The following ROBO1 variants were observed in gnomAD, a reference collection of about 807,000 sequenced individuals.
ROBO1 encodes roundabout guidance receptor 1.
In ROBO1, 149 loss-of-function variants were observed where a neutral mutation model predicts 195.9. The ratio of observed to expected loss-of-function variants is 0.76; its 90% CI spans 0.67 to 0.87. ROBO1 has a LOEUF of 0.87. Ranked by LOEUF, ROBO1 falls within the 40% of genes least tolerant of loss-of-function variation. ROBO1 has a pLI of 0.00. For synonymous variants in ROBO1, 816 were observed against 733.2 expected, an observed-to-expected ratio of 1.11 and a Z score of -1.82; for missense variants, 1,933 against 2,068.3, an observed-to-expected ratio of 0.93 and a Z score of 1.27.
chr3:79,671,242 T>C (rs1293698385), intron 1 of ROBO1, among the ~76,000 whole-genome samples: 2 of 151,872 alleles, frequency 1.3e-5, no homozygotes, highest in Non-Finnish European at 2.9e-5. Context: ...TTGTTATGCC[T>C]GTGAATGGAA....
At chr3:79,624,713 C>A (rs756889355) in intron 1 of ROBO1, among the ~76,000 whole-genome samples, 3 of 151,922 alleles carry the variant, frequency 2.0e-5, no homozygotes, top group Non-Finnish European at 4.4e-5. Context: ...TTCTTAGAGA[C>A]CTATAAAGAG....
intron 4 of ROBO1, among the ~76,000 whole-genome samples, chr3:78,754,712 C>T (rs1036506353): frequency 1.3e-5 from 2 of 152,078 alleles, no homozygotes; most frequent in Non-Finnish European, 2.9e-5. Flanking sequence ...GGTAGACACA[C>T]ATATTCAAAT....
intron 2 of ROBO1, among the ~76,000 whole-genome samples, chr3:79,241,049 A>G (rs576179369): frequency 6.6e-6 from 1 of 152,272 alleles, no homozygotes; most frequent in Non-Finnish European, 1.5e-5. Context: ...TATTTTTGTT[A>G]ACTTTTGCAA....
At chr3:78,678,489 G>T (rs546869058) in intron 10 of ROBO1, among the ~76,000 whole-genome samples, 1 of 151,884 alleles carries the variant, frequency 6.6e-6, no homozygotes, top group Non-Finnish European at 1.5e-5. Context: ...ATGATAAAGG[G>T]GATATCACCA....
At chr3:79,720,848 A>T (rs1302589135) in intron 1 of ROBO1, among the ~76,000 whole-genome samples, 1 of 148,214 alleles carries the variant, frequency 6.7e-6, no homozygotes, top group Non-Finnish European at 1.5e-5. Flanking sequence ...GCTGGAGTGC[A>T]GTGGTGCGAT....
At chr3:79,637,728 C>A (rs1945537972) in intron 1 of ROBO1, among the ~76,000 whole-genome samples, 1 of 151,980 alleles carries the variant, frequency 6.6e-6, no homozygotes, top group South Asian at 2.1e-4. Context: ...TAACACAATG[C>A]TTTATTTTTA....
intron 2 of ROBO1, among the ~76,000 whole-genome samples, chr3:79,577,350 A>G (rs76545400): frequency 1.3e-5 from 2 of 152,182 alleles, no homozygotes; most frequent in Non-Finnish European, 2.9e-5. Flanking sequence ...AATATTAAGT[A>G]TTTAAAATTC....
intron 2 of ROBO1, among the ~76,000 whole-genome samples, chr3:79,345,893 T>C (rs2035095864): frequency 6.6e-6 from 1 of 152,200 alleles, no homozygotes. Context: ...TTTTCAGTGT[T>C]TATAGTGTCC....
chr3:79,410,488 C>A, intron 2 of ROBO1, among the ~76,000 whole-genome samples: 1 of 151,936 alleles, frequency 6.6e-6, no homozygotes. Context: ...AGGGAAAATA[C>A]GGTCAGTAAG....
At chr3:79,214,092 C>T (rs2108809147) in intron 2 of ROBO1, among the ~76,000 whole-genome samples, 1 of 151,990 alleles carries the variant, frequency 6.6e-6, no homozygotes, top group South Asian at 2.1e-4. Context: ...TCCCAAAGTG[C>T]TGGGATTACT....
chr3:79,624,496 T>C (rs760553936), intron 1 of ROBO1, among the ~76,000 whole-genome samples: 3 of 150,838 alleles, frequency 2.0e-5, no homozygotes, highest in Non-Finnish European at 3.0e-5. Flanking sequence ...AATAAAGGGA[T>C]AGAGAAAAAT....
At chr3:79,656,202 T>A (rs938677016) in intron 1 of ROBO1, among the ~76,000 whole-genome samples, 1 of 151,880 alleles carries the variant, frequency 6.6e-6, no homozygotes, top group Non-Finnish European at 1.5e-5. Context: ...TTCTCTTAGG[T>A]CAACGGTTTC....
intron 4 of ROBO1, among the ~76,000 whole-genome samples, chr3:78,891,422 CA>C (rs2036886317): frequency 6.6e-6 from 1 of 152,074 alleles, no homozygotes. Flanking sequence ...ATCTCATATC[CA>C]CTCAACTGCC....
At chr3:78,635,171 C>A (rs761538345) in intron 23 of ROBO1, among the ~76,000 whole-genome samples, 2 of 152,138 alleles carry the variant, frequency 1.3e-5, no homozygotes, top group Admixed American at 6.5e-5. Flanking sequence ...TACTATTCTG[C>A]GGCTTCAAGT....
chr3:78,884,547 A>C (rs528321756), intron 4 of ROBO1, among the ~76,000 whole-genome samples: 23 of 151,734 alleles, frequency 1.5e-4, no homozygotes, highest in Non-Finnish European at 4.4e-5. Flanking sequence ...TCAAAAAAGA[A>C]AGAAAGAAAG....
chr3:79,117,008 A>C (rs528955495), intron 3 of ROBO1, among the ~76,000 whole-genome samples: 1 of 152,232 alleles, frequency 6.6e-6, no homozygotes, highest in Non-Finnish European at 1.5e-5. Context: ...CTGTATTTTT[A>C]GTTTTTCCTC....
chr3:79,058,177 G>A (rs2078848337), intron 3 of ROBO1, among the ~76,000 whole-genome samples: 2 of 152,022 alleles, frequency 1.3e-5, no homozygotes, highest in African/African-American at 4.8e-5. Flanking sequence ...TGGGAAGACT[G>A]TGTTAACTCA....
chr3:78,636,935 T>A (rs368492363), intron 22 of ROBO1, among the ~76,000 whole-genome samples: 4 of 96,704 alleles, frequency 4.1e-5, no homozygotes, highest in African/African-American at 7.2e-5. Flanking sequence ...TACATTCATT[T>A]TATATATATA....
intron 1 of ROBO1, among the ~76,000 whole-genome samples, chr3:79,637,936 G>T (rs1170041368): frequency 6.6e-6 from 1 of 152,050 alleles, no homozygotes; most frequent in African/African-American, 2.4e-5. Flanking sequence ...TTATATGGAT[G>T]GTTAGTATAA....
Sources: gnomAD v4.1 joint callset for allele counts (sites outside exome capture counted in the v4.1 genomes callset) on GRCh38, gnomAD v4.1.1 for gene constraint, MANE v1.5 for transcripts, NCBI Gene and HGNC (gene_info 2026-07-23, HGNC 2026-07-21) for gene names.